Variants in PCDHA8 observed in about 807,000 individuals in gnomAD.
PCDHA8 encodes protocadherin alpha-8.
In PCDHA8, 53 loss-of-function variants were observed where a neutral mutation model predicts 61.8. The observed-to-expected ratio is 0.86, with a 90% CI of 0.69 to 1.08. The LOEUF (loss-of-function observed/expected upper bound fraction) is 1.08, where lower values mean the gene tolerates loss of function less well. Among genes scored for constraint, PCDHA8 ranks in the 50% least tolerant of loss-of-function variants. The probability of loss-of-function intolerance (pLI) is 0.00; values close to 1 mark genes in which losing one functional copy is unlikely to be tolerated. For synonymous variants in PCDHA8, 618 were observed against 556.6 expected, an observed-to-expected ratio of 1.11 and a Z score of -1.55; for missense variants, 1,293 against 1,245.0, an observed-to-expected ratio of 1.04 and a Z score of -0.58.
At chr5:140,915,572 C>T (rs2077180575) in intron 1 of PCDHA8, among the ~76,000 whole-genome samples, 1 of 152,106 alleles carries the variant, frequency 6.6e-6, no homozygotes, top group Admixed American at 6.6e-5. Context: ...ATCTGGATTG[C>T]CAGGCAAAAG....
At chr5:140,884,078 A>C (rs2059981897) in intron 1 of PCDHA8, 5 of 1,613,512 alleles carry the variant, frequency 3.1e-6, no homozygotes, top group Non-Finnish European at 4.2e-6. Flanking sequence ...TTCGGGCTAC[A>C]ATGCGTGGCT....
intron 1 of PCDHA8, chr5:140,927,314 C>G: frequency 6.2e-7 from 1 of 1,614,194 alleles, no homozygotes; most frequent in East Asian, 2.2e-5. Flanking sequence ...ACGCCCGGAG[C>G]CCGCTTTACT....
At chr5:140,939,973 A>G (rs782675791) in intron 1 of PCDHA8, among the ~76,000 whole-genome samples, 4 of 152,234 alleles carry the variant, frequency 2.6e-5, no homozygotes, top group Non-Finnish European at 4.4e-5. Flanking sequence ...TCCACGATGA[A>G]TAGTGAATTG....
chr5:140,954,271 A>G (rs1284942355), intron 1 of PCDHA8, among the ~76,000 whole-genome samples: 2 of 152,140 alleles, frequency 1.3e-5, no homozygotes, highest in South Asian at 2.1e-4. Context: ...TTATAATAGG[A>G]TGATTTATAT....
intron 1 of PCDHA8, chr5:140,967,201 A>T: frequency 6.2e-7 from 1 of 1,613,620 alleles, no homozygotes; most frequent in Non-Finnish European, 8.5e-7. Flanking sequence ...ACGACAACTC[A>T]CCGCGTTTCC....
intron 3 of PCDHA8, among the ~76,000 whole-genome samples, chr5:141,004,974 G>T (rs557503446): frequency 6.6e-6 from 1 of 152,302 alleles, no homozygotes; most frequent in South Asian, 2.1e-4. Context: ...CTGTAAATTT[G>T]CAGTATCATT....
intron 1 of PCDHA8, among the ~76,000 whole-genome samples, chr5:140,912,449 A>G (rs2075925716): frequency 6.6e-6 from 1 of 151,398 alleles, no homozygotes; most frequent in South Asian, 2.1e-4. Flanking sequence ...GTGTGCATTG[A>G]TTTTGTATCC....
chr5:140,891,044 CA>C (rs1406159323), intron 1 of PCDHA8, among the ~76,000 whole-genome samples: 9 of 152,030 alleles, frequency 5.9e-5, no homozygotes, highest in African/African-American at 2.2e-4. Flanking sequence ...GTGTGACCCC[CA>C]CAGCACATAG....
In PCDHA8 at chr5:140,843,362, A is replaced by C. The variant is rs2150191261; in HGVS notation, c.2041A>C (p.Arg681=). Residue 681 remains arginine (R), a synonymous_variant, in exon 1 of 4, where the codon AGG becomes CGG. Transcript: ENST00000531613. ...CGGCCAGGCTCCAAAAGCGTCATCG[A>C]GGCAGTCGGCTGGCGTTTTGGGTCC... ...ESGQAPKASS[R]QSAGVLGPEA... 3 of 1,595,998 alleles carry C rather than the reference A, an allele frequency of 1.9e-6. No homozygotes were observed. The East Asian group carries it at 6.7e-5, about 36-fold the overall frequency.
In PCDHA8 at chr5:140,843,169, C is replaced by T; in HGVS notation, c.1848C>T (p.Ser616=). Residue 616 remains serine (S), a synonymous_variant, in exon 1 of 4, where the codon AGC becomes AGT. Transcript: ENST00000531613. ...WLSYELQPAA[S]SPRIPFRVGL... ...CGTATGAGCTGCAGCCAGCTGCAAG[C>T]AGCCCTCGCATCCCGTTCCGCGTGG... is the stretch of plus-strand genomic sequence containing the variant. 1 of 1,596,092 alleles carries T rather than the reference C, an allele frequency of 6.3e-7. No individual in the cohort carries two copies. Among genetic ancestry groups the T allele is most frequent in the Non-Finnish European group, 8.6e-7 (1 of 1,165,610 alleles).
chr5:140,883,693 C>T (rs2059756382), intron 1 of PCDHA8: 2 of 1,613,790 alleles, frequency 1.2e-6, no homozygotes, highest in Non-Finnish European at 1.7e-6. Flanking sequence ...GCCACATCTT[C>T]ACGGTGTCTG....
At chr5:140,870,999 A>G (rs782562142) in intron 1 of PCDHA8, 2 of 1,613,456 alleles carry the variant, frequency 1.2e-6, no homozygotes, top group Admixed American at 3.3e-5. Flanking sequence ...AGATAAGCAC[A>G]ACGCGTGCCC....
At chr5:140,982,074 T>TAGAGAACCTAGGAACA (rs1554243726) in intron 2 of PCDHA8, among the ~76,000 whole-genome samples, 1 of 151,090 alleles carries the variant, frequency 6.6e-6, no homozygotes, top group Non-Finnish European at 1.5e-5. Flanking sequence ...TTCTTTAGAG[T>TAGAGAACCTAGGAACA]AGAGAACCTA....
intron 1 of PCDHA8, chr5:140,884,416 G>T (rs1035372416): frequency 1.2e-6 from 2 of 1,614,006 alleles, no homozygotes; most frequent in East Asian, 4.5e-5. Flanking sequence ...TCACGTTGCT[G>T]CTGTATACTG....
chr5:140,944,838 A>C (rs996510272), intron 1 of PCDHA8, among the ~76,000 whole-genome samples: 13 of 152,212 alleles, frequency 8.5e-5, no homozygotes, highest in Non-Finnish European at 1.6e-4. Flanking sequence ...TTGTAAAATG[A>C]GATATTAGAA....
chr5:140,916,747 G>A (rs1445361224), intron 1 of PCDHA8, among the ~76,000 whole-genome samples: 1 of 152,220 alleles, frequency 6.6e-6, no homozygotes, highest in Non-Finnish European at 1.5e-5. Context: ...TTCACTGCCT[G>A]GGATTAGGGG....
chr5:140,875,419 G>A (rs782346114), intron 1 of PCDHA8: 51 of 1,516,154 alleles, frequency 3.4e-5, no homozygotes, highest in Admixed American at 4.8e-5. Context: ...AATACCTCAG[G>A]CAAGCGATCC....
At chr5:140,845,868 G>C (rs1252869410) in intron 1 of PCDHA8, among the ~76,000 whole-genome samples, 1 of 149,474 alleles carries the variant, frequency 6.7e-6, no homozygotes, top group South Asian at 2.1e-4. Flanking sequence ...TTGCAGAAAG[G>C]CAACCTAAAA....
chr5:140,981,755 A>G (rs868964961), intron 2 of PCDHA8, among the ~76,000 whole-genome samples: 12 of 152,222 alleles, frequency 7.9e-5, no homozygotes, highest in Admixed American at 3.3e-4. Context: ...TTAGTATTAG[A>G]CATACATAAA....
Sources: gnomAD v4.1 joint callset for allele counts (sites outside exome capture counted in the v4.1 genomes callset) on GRCh38, gnomAD v4.1.1 for gene constraint, MANE v1.5 for transcripts, NCBI Gene and HGNC (gene_info 2026-07-23, HGNC 2026-07-21) for gene names.